FER: variants seen among roughly 807,000 people sequenced by gnomAD.
FER encodes FER tyrosine kinase.
FER carries 63 observed loss-of-function variants against 111.0 expected under a neutral mutation model. That is an observed-to-expected ratio of 0.57 (90% confidence interval 0.46 to 0.70). The LOEUF (loss-of-function observed/expected upper bound fraction) is 0.70. Ranked by LOEUF, FER falls within the 30% of genes least tolerant of loss-of-function variation. The pLI is 0.00. For missense variants in FER, 914 were observed against 954.0 expected, an observed-to-expected ratio of 0.96 and a Z score of 0.55; for synonymous variants, 327 against 313.9, an observed-to-expected ratio of 1.04 and a Z score of -0.44.
In FER at chr5:108,986,826, G is replaced by A. The variant is rs540670505; in HGVS notation, c.1656+27479G>A. ...CTATGCCTACTTTTATATCGGTACC[G>A]TGCTGTTTTGGTGACTGTGGCTTTA... On this transcript the variant is annotated intron_variant, in intron 13 of 19. Transcript: ENST00000281092. Among the ~76,000 whole-genome samples, 50 of 152,162 alleles carry A rather than the reference G, an allele frequency of 3.3e-4. 1 individual carries two copies. The highest frequency in any genetic ancestry group is 5.1e-4 in the Non-Finnish European group (35 of 67,984).
rs1052451042 is a variant in FER, at chr5:108,832,804, T to G, written c.242T>G (p.Leu81Arg). 1.3e-6 allele frequency: 2 copies of G among 1,578,574 alleles called. No individual in the cohort carries two copies. The highest frequency in any genetic ancestry group is 1.7e-6 in the Non-Finnish European group (2 of 1,163,028). Residue 81 changes from leucine to arginine, a missense_variant, in exon 4 of 20, where the codon CTT becomes CGT. Physicochemically the swap from Leu to Arg is moderately radical, Grantham distance 102. Around this residue, in one of 3 missense-constraint regions of FER, gnomAD observed 774 missense variants for 782.6 expected, o/e 0.99. Coordinates refer to ENST00000281092, the MANE Select transcript of FER (RefSeq NM_005246.4). ...WLLMIQQTEQ[L>R]SRIMKTHAED... Reference sequence around the variant, plus strand: ...CTTATGATTCAGCAGACAGAACAACTTAGTAGGATAATGAAGACACATGCA... The same window carrying G: ...CTTATGATTCAGCAGACAGAACAACGTAGTAGGATAATGAAGACACATGCA...
intron 13 of FER, among the ~76,000 whole-genome samples, chr5:108,960,952 G>C (rs553981490): frequency 6.6e-6 from 1 of 152,296 alleles, no homozygotes; most frequent in South Asian, 2.1e-4. Flanking sequence ...GCTGGGGGTA[G>C]TGGCACATGC....
At position 109,027,840 on chromosome 5, in the gene FER, G is replaced by C. The variant is rs114123844; in HGVS notation, c.1657-9582G>C. 3.4e-3 allele frequency among the ~76,000 whole-genome samples: 515 copies of C among 152,190 alleles called. 1 individual carries two copies. The highest frequency in any genetic ancestry group is 6.5e-3 in the Non-Finnish European group (439 of 67,996). The stretch of plus-strand genomic sequence containing the variant: ...CTACATTTGTGAGGCAAAATTCTAA[G>C]ATTTAGGTTTTAGCATTTTAAAACT... On this transcript the variant is annotated intron_variant, in intron 13 of 19. Transcript: ENST00000281092.
intron 10 of FER, among the ~76,000 whole-genome samples, chr5:108,907,702 A>G (rs1427581109): frequency 6.6e-6 from 1 of 152,180 alleles, no homozygotes; most frequent in African/African-American, 2.4e-5. Flanking sequence ...GAAAATTGCA[A>G]TAAACAAATG....
chr5:108,759,785 TCATGGTTTAGGTTTAGGTTTGA>T (rs1751518273), intron 1 of FER, among the ~76,000 whole-genome samples: 1 of 152,222 alleles, frequency 6.6e-6, no homozygotes, highest in Non-Finnish European at 1.5e-5. Flanking sequence ...GACTCCACCA[TCATGGTTTAGGTTTAGGTTTGA>T]GACCTAAACA....
At chr5:108,894,213 C>A in intron 9 of FER, 1 of 253,042 alleles carries the variant, frequency 4.0e-6, no homozygotes. Context: ...CCACTCATCC[C>A]TTAAAAAACC....
At chr5:109,114,129 C>T (rs1176608239) in intron 17 of FER, among the ~76,000 whole-genome samples, 3 of 152,004 alleles carry the variant, frequency 2.0e-5, no homozygotes, top group African/African-American at 7.2e-5. Flanking sequence ...TACTTACTTC[C>T]CCACTCACTG....
At chr5:109,186,816 C>A (rs572251919) in intron 19 of FER, among the ~76,000 whole-genome samples, 6 of 152,118 alleles carry the variant, frequency 3.9e-5, no homozygotes, top group African/African-American at 9.7e-5. Context: ...CATACAGTCT[C>A]GACAAAAAGA....
At chr5:109,037,630 A>T (rs944734066) in intron 14 of FER, 152 bp downstream of exon 14, 2 of 554,660 alleles carry the variant, frequency 3.6e-6, no homozygotes. Flanking sequence ...CAATATTGTG[A>T]TGCTCACTGA....
Position 109,044,723 on chromosome 5 carries a change from C to T in FER, c.1757C>T (p.Thr586Ile), listed in dbSNP as rs756640526. 5 of 1,588,668 alleles carry T rather than the reference C, an allele frequency of 3.1e-6. No individual in the cohort carries two copies. The South Asian group carries it at 5.9e-5, about 19-fold the overall frequency. The change falls in exon 15 of 20, where the codon ACT becomes ATT. Residue 586 changes from threonine (T) to isoleucine (I), a missense_variant. By Grantham distance (89) the Thr-to-Ile change is moderately conservative (BLOSUM62 -1). Around this residue, in one of 3 missense-constraint regions of FER, gnomAD observed 774 missense variants for 782.6 expected, o/e 0.99. Transcript: ENST00000281092. The part of the protein sequence containing the change: ...EVYKGTLKDK[T>I]SVAVKTCKED... Reference sequence around the variant, plus strand: ...TATAAGGGCACATTAAAGGATAAAACTTCTGTTGCTGTTAAAACATGTAAA... The same window carrying T: ...TATAAGGGCACATTAAAGGATAAAATTTCTGTTGCTGTTAAAACATGTAAA...
chr5:109,186,119 G>A, intron 18 of FER, 81 bp from the exon 19 acceptor site: 1 of 1,584,336 alleles, frequency 6.3e-7, no homozygotes, highest in Non-Finnish European at 8.7e-7. Context: ...GTGCATGACT[G>A]ACACAGACAT....
intron 8 of FER, among the ~76,000 whole-genome samples, chr5:108,872,697 T>C (rs1415279377): frequency 6.6e-6 from 1 of 152,168 alleles, no homozygotes; most frequent in Non-Finnish European, 1.5e-5. Flanking sequence ...GTTGTTTTTG[T>C]TGTGTAAAAT....
intron 5 of FER, among the ~76,000 whole-genome samples, chr5:108,844,535 T>G (rs1761681413): frequency 6.6e-6 from 1 of 152,130 alleles, no homozygotes; most frequent in South Asian, 2.1e-4. Context: ...AATATTTATT[T>G]TGATAAATTT....
intron 19 of FER, 62 bp downstream of exon 19, chr5:109,186,384 A>AGTGTGTCTGCTTGAGGAGGGGT: frequency 6.2e-7 from 1 of 1,612,372 alleles, no homozygotes; most frequent in Non-Finnish European, 8.5e-7. Flanking sequence ...CAGTGCTTAT[A>AGTGTGTCTGCTTGAGGAGGGGT]GTGTGTCTGC....
At chr5:108,932,218 G>A (rs1397119659) in intron 10 of FER, among the ~76,000 whole-genome samples, 3 of 151,958 alleles carry the variant, frequency 2.0e-5, no homozygotes, top group Middle Eastern at 3.2e-3. Flanking sequence ...TCCTCTCCCT[G>A]TGTCCATGTG....
intron 2 of FER, among the ~76,000 whole-genome samples, chr5:108,792,811 GTATAAA>G (rs1158090462): frequency 1.3e-5 from 2 of 149,978 alleles, no homozygotes; most frequent in Non-Finnish European, 1.5e-5. Flanking sequence ...TTTCTATATT[GTATAAA>G]TATAATTTAT....
chr5:108,933,428 C>G (rs1262029202), intron 10 of FER, among the ~76,000 whole-genome samples: 2 of 151,650 alleles, frequency 1.3e-5, no homozygotes, highest in South Asian at 2.1e-4. Flanking sequence ...ATTTCTGAGG[C>G]CTCTGTTCTG....
intron 14 of FER, among the ~76,000 whole-genome samples, chr5:109,039,905 G>C (rs1288410194): frequency 6.6e-6 from 1 of 152,074 alleles, no homozygotes; most frequent in Non-Finnish European, 1.5e-5. Context: ...AAAATAGGCT[G>C]ACAACTTGGA....
chr5:109,044,590 A>T, intron 14 of FER, 90 bp from the exon 15 acceptor site: 2 of 617,820 alleles, frequency 3.2e-6, no homozygotes, highest in Non-Finnish European at 5.7e-6. Flanking sequence ...GTAGGTAAGC[A>T]CCTCCTCCTC....
Sources: gnomAD v4.1 joint callset for allele counts (sites outside exome capture counted in the v4.1 genomes callset) on GRCh38, gnomAD v4.1.1 for gene constraint, gnomAD v4.1.1 regional missense constraint, MANE v1.5 for transcripts, NCBI Gene and HGNC (gene_info 2026-07-23, HGNC 2026-07-21) for gene names.